AASDH: variants seen among roughly 807,000 people sequenced by gnomAD.
The protein encoded by AASDH is aminoadipate-semialdehyde dehydrogenase.
In AASDH, 81 loss-of-function variants were observed where a neutral mutation model predicts 102.3. The ratio of observed to expected loss-of-function variants is 0.79; its 90% CI spans 0.66 to 0.95. AASDH has a LOEUF of 0.95. AASDH is among the 40% of genes least tolerant of loss of function. AASDH has a pLI of 0.00. For missense variants in AASDH, 1,203 were observed against 1,266.2 expected, an observed-to-expected ratio of 0.95 and a Z score of 0.76; for synonymous variants, 398 against 454.0, an observed-to-expected ratio of 0.88 and a Z score of 1.57.
At chr4:56,378,038 T>G in intron 4 of AASDH, 110 bp downstream of exon 4, 1 of 1,068,116 alleles carries the variant, frequency 9.4e-7, no homozygotes, top group African/African-American at 1.6e-5. Flanking sequence ...ACTCCTGACC[T>G]CAAGTGATCC....
Position 56,368,656 on chromosome 4 carries a change from G to A in AASDH, c.861+2795C>T, listed in dbSNP as rs1209556585. 2.0e-5 allele frequency among the ~76,000 whole-genome samples: 3 copies of A among 147,546 alleles called. No homozygotes were observed. The Admixed American group carries it at 2.1e-4, about 10-fold the overall frequency. ...ACACCGCATGTTCTCACTCATGGGT[G>A]GGAATTGAACAGTGAGAACACATGG... On this transcript the variant is annotated intron_variant, in intron 5 of 14. Coordinates refer to ENST00000205214, the MANE Select transcript of AASDH (RefSeq NM_181806.4).
In AASDH at chr4:56,350,074, T is replaced by A. The variant is rs572319177; in HGVS notation, c.1693-16A>T. On this transcript the variant is annotated splice_polypyrimidine_tract_variant and intron_variant, in intron 10 of 14. Coordinates refer to ENST00000205214, the MANE Select transcript of AASDH (RefSeq NM_181806.4). The stretch of plus-strand genomic sequence containing the variant: ...TCAGAGTAGACTACAGATGAGAGAA[T>A]AGAGAAATATGTGACGTAAAGGTCT... The A allele has an allele frequency of 1.3e-6, 2 of 1,546,672 alleles. No homozygotes were observed. Among genetic ancestry groups the A allele is most frequent in the Admixed American group, 2.1e-5 (1 of 47,528 alleles).
At position 56,355,448 on chromosome 4, in the gene AASDH, A is replaced by G. The variant is rs75001969; in HGVS notation, c.862-25T>C. The G allele has an allele frequency of 1.9e-3, 3,001 of 1,589,276 alleles. 43 individuals are homozygous for G. The African/African-American group carries it at 0.037, about 20-fold the overall frequency. On this transcript the variant is annotated intron_variant, in intron 5 of 14. Coordinates refer to ENST00000205214, the MANE Select transcript of AASDH (RefSeq NM_181806.4). ...CCTGTAGATACATTAAAAATAATTT[A>G]TTTATTTTCCTTCACTTCTTTAAAA...
chr4:56,363,430 G>A (rs1415871545), intron 5 of AASDH, among the ~76,000 whole-genome samples: 1 of 152,240 alleles, frequency 6.6e-6, no homozygotes, highest in East Asian at 1.9e-4. Flanking sequence ...GCCTCCTCAA[G>A]TGGGTCCCTG....
chr4:56,375,278 TC>T (rs1455926439), intron 4 of AASDH, among the ~76,000 whole-genome samples: 2 of 152,138 alleles, frequency 1.3e-5, no homozygotes, highest in Admixed American at 1.3e-4. Context: ...AATAGGTTAT[TC>T]TGGTAATATT....
chr4:56,386,406 C>G (rs535860331), intron 1 of AASDH, among the ~76,000 whole-genome samples: 119 of 152,292 alleles, frequency 7.8e-4, no homozygotes, highest in African/African-American at 2.6e-3. Flanking sequence ...TTCTTCTTGT[C>G]TCAGGTTTTC....
chr4:56,346,287 T>C (rs1329688285), intron 11 of AASDH, among the ~76,000 whole-genome samples: 1 of 151,928 alleles, frequency 6.6e-6, no homozygotes, highest in Non-Finnish European at 1.5e-5. Context: ...CTTTTTATGC[T>C]TTTTTTTCCC....
intron 2 of AASDH, among the ~76,000 whole-genome samples, chr4:56,383,150 G>C (rs1028454748): frequency 7.0e-6 from 1 of 142,756 alleles, no homozygotes; most frequent in Non-Finnish European, 1.6e-5. Flanking sequence ...ACTTAATATA[G>C]AGAAATACAA....
chr4:56,372,695 G>C (rs1251022189), intron 4 of AASDH, among the ~76,000 whole-genome samples: 1 of 152,150 alleles, frequency 6.6e-6, no homozygotes, highest in African/African-American at 2.4e-5. Context: ...AAAGGTGTAG[G>C]GGCCGAAAGG....
chr4:56,371,374 G>T, intron 5 of AASDH, 77 bp downstream of exon 5: 1 of 1,411,886 alleles, frequency 7.1e-7, no homozygotes, highest in Non-Finnish European at 9.6e-7. Context: ...AAGAACTACA[G>T]GAATACAAAA....
intron 10 of AASDH, among the ~76,000 whole-genome samples, chr4:56,351,094 G>A (rs2109880549): frequency 6.6e-6 from 1 of 152,288 alleles, no homozygotes; most frequent in East Asian, 1.9e-4. Context: ...AACAGGCTTT[G>A]TCTACTTGTG....
chr4:56,356,986 C>T (rs1023474201), intron 5 of AASDH: 2 of 408,172 alleles, frequency 4.9e-6, no homozygotes, highest in Non-Finnish European at 8.8e-6. Context: ...TAGAAATTTT[C>T]CTTTAAAAAT....
At chr4:56,366,336 C>T (rs979745371) in intron 5 of AASDH, among the ~76,000 whole-genome samples, 8 of 152,104 alleles carry the variant, frequency 5.3e-5, no homozygotes, top group African/African-American at 7.2e-5. Flanking sequence ...TTCCAATCAA[C>T]AGAAAAAGAG....
Position 56,355,381 on chromosome 4 carries a change from T to G in AASDH, c.904A>C (p.Lys302Gln). ...LLRRFGSQLI[K>Q]STVLSATTSL... ...GTAGTGGCTGACAAAACAGTTGACT[T>G]GATAAGCTGAGATCCAAATCTTCTA... Residue 302 changes from lysine (K) to glutamine (Q), a missense_variant, in exon 6 of 15, where the codon AAG becomes CAG. Transcript: ENST00000205214. 4 of 1,614,098 alleles carry G rather than the reference T, an allele frequency of 2.5e-6. No individual in the cohort carries two copies. The highest frequency in any genetic ancestry group is 3.4e-6 in the Non-Finnish European group (4 of 1,179,942).
At chr4:56,358,385 T>C (rs1454360510) in intron 5 of AASDH, among the ~76,000 whole-genome samples, 1 of 150,898 alleles carries the variant, frequency 6.6e-6, no homozygotes. Flanking sequence ...CACCAGAATG[T>C]TGAAGTGGCA....
chr4:56,369,903 G>A (rs1751480716), intron 5 of AASDH, among the ~76,000 whole-genome samples: 1 of 148,456 alleles, frequency 6.7e-6, no homozygotes, highest in Admixed American at 6.7e-5. Flanking sequence ...TCATACCACT[G>A]TACTCCAGGC....
At chr4:56,380,966 G>A (rs528564754) in intron 3 of AASDH, among the ~76,000 whole-genome samples, 91 of 152,242 alleles carry the variant, frequency 6.0e-4, no homozygotes, top group South Asian at 5.4e-3. Flanking sequence ...CTTACTGATC[G>A]TTCCTGTGTT....
intron 14 of AASDH, 79 bp from the exon 15 acceptor site, chr4:56,338,870 A>C (rs768132543): frequency 5.8e-6 from 8 of 1,377,998 alleles, no homozygotes; most frequent in Non-Finnish European, 6.9e-6. Context: ...TGAGGTTCTT[A>C]ATGCAAATCT....
intron 1 of AASDH, among the ~76,000 whole-genome samples, chr4:56,385,160 C>G (rs1338866239): frequency 6.6e-6 from 1 of 152,134 alleles, no homozygotes; most frequent in East Asian, 1.9e-4. Context: ...GAGCTAAACT[C>G]AGATGAAAGC....
Sources: gnomAD v4.1 joint callset for allele counts (sites outside exome capture counted in the v4.1 genomes callset) on GRCh38, gnomAD v4.1.1 for gene constraint, MANE v1.5 for transcripts, NCBI Gene and HGNC (gene_info 2026-07-23, HGNC 2026-07-21) for gene names.